ABCC9: variants seen among roughly 807,000 people sequenced by gnomAD.
The protein encoded by ABCC9 is ATP binding cassette subfamily C member 9.
Under a neutral mutation model 188.3 loss-of-function variants are expected in ABCC9, and 95 were observed. That is an observed-to-expected ratio of 0.50 (90% CI 0.43 to 0.60). The LOEUF is 0.60. Ranked by LOEUF, ABCC9 falls within the 20% of genes least tolerant of loss-of-function variation. The pLI is 0.00. For synonymous variants in ABCC9, 659 were observed against 652.7 expected (o/e 1.01, Z -0.15); for missense variants, 1,102 against 1,876.3 (o/e 0.59, Z 7.62).
chr12:21,927,013 C>T (rs544860484), intron 4 of ABCC9, among the ~76,000 whole-genome samples: 1 of 152,196 alleles, frequency 6.6e-6, no homozygotes, highest in South Asian at 2.1e-4. Flanking sequence ...GATAGGAGAA[C>T]ACTGAGAAAG....
intron 22 of ABCC9, among the ~76,000 whole-genome samples, chr12:21,854,254 T>C (rs1213892262): frequency 1.3e-5 from 2 of 152,260 alleles, no homozygotes; most frequent in Non-Finnish European, 2.9e-5. Flanking sequence ...GATTGTCATA[T>C]GATTAGCTCA....
rs1176689119 is a variant in ABCC9, at chr12:21,812,245, TAGGG to T, written c.4103-92_4103-89del. On this transcript the variant is annotated intron_variant, in intron 35 of 39. Transcript: ENST00000261200. ...TACAAATTGAAAGTTATTTCTTAGT[TAGGG>T]GTTGAAATTCAGGAGACCCACTTTT... 3 of 1,053,170 alleles carry T rather than the reference TAGGG, an allele frequency of 2.8e-6. No individual in the cohort carries two copies. The African/African-American group carries it at 4.7e-5, about 17-fold the overall frequency. 65.2% of individuals were successfully genotyped at this position (1,053,170 alleles called of 1,614,324 possible).
chr12:21,827,684 T>C (rs1283809), intron 31 of ABCC9, among the ~76,000 whole-genome samples: 25,397 of 152,158 alleles, frequency 0.17, 2,224 homozygotes, highest in Middle Eastern at 0.3. Flanking sequence ...TTCACTTGCC[T>C]TTATTTATCT....
At chr12:21,853,831 A>C (rs1472680362) in intron 22 of ABCC9, among the ~76,000 whole-genome samples, 1 of 152,206 alleles carries the variant, frequency 6.6e-6, no homozygotes, top group Non-Finnish European at 1.5e-5. Context: ...ATGGCAGGGA[A>C]TGAAAGAAAC....
At chr12:21,811,653 G>A (rs995911803) in intron 36 of ABCC9, among the ~76,000 whole-genome samples, 1 of 150,104 alleles carries the variant, frequency 6.7e-6, no homozygotes, top group Non-Finnish European at 1.5e-5. Flanking sequence ...TAGCAATTTT[G>A]GCTGAAGTAA....
chr12:21,887,600 C>T (rs370329133), intron 15 of ABCC9, among the ~76,000 whole-genome samples: 2 of 152,098 alleles, frequency 1.3e-5, no homozygotes, highest in East Asian at 1.9e-4. Flanking sequence ...GAATTAAACA[C>T]GTCTTGTCTC....
chr12:21,913,217 C>A, intron 7 of ABCC9, 151 bp from the exon 8 acceptor site: 1 of 667,782 alleles, frequency 1.5e-6, no homozygotes. Context: ...TTCAGCATAG[C>A]ATGCATAATT....
chr12:21,836,845 TA>T (rs1349963611), intron 30 of ABCC9, among the ~76,000 whole-genome samples: 1 of 151,500 alleles, frequency 6.6e-6, no homozygotes, highest in Non-Finnish European at 1.5e-5. Flanking sequence ...TGTAAACAAA[TA>T]AAAAAGATGA....
intron 12 of ABCC9, among the ~76,000 whole-genome samples, chr12:21,901,968 C>T (rs565652782): frequency 6.6e-6 from 1 of 152,326 alleles, no homozygotes; most frequent in East Asian, 1.9e-4. Context: ...TAGACATCTA[C>T]AGAACTCTCC....
chr12:21,903,496 G>C (rs1186696140), intron 12 of ABCC9, among the ~76,000 whole-genome samples: 1 of 152,166 alleles, frequency 6.6e-6, no homozygotes, highest in Non-Finnish European at 1.5e-5. Flanking sequence ...AATTATCCCT[G>C]TTTGCAGATG....
intron 22 of ABCC9, among the ~76,000 whole-genome samples, chr12:21,856,007 A>G (rs2161063): frequency 0.32 from 48,252 of 152,054 alleles, 9,113 homozygotes; most frequent in South Asian, 0.48. Flanking sequence ...AACAGCAGTA[A>G]TAACAATAAT....
rs1450072548 is a variant in ABCC9, at chr12:21,940,728, G to A, written c.-39C>T. The A allele has an allele frequency of 2.6e-5, 4 of 152,090 alleles. No homozygotes were observed. The highest frequency in any genetic ancestry group is 4.4e-5 in the Non-Finnish European group (3 of 68,028). 9.4% of individuals were successfully genotyped at this position (152,090 alleles called of 1,614,324 possible). On this transcript the variant is annotated 5_prime_UTR_variant, in exon 2 of 40. Coordinates refer to ENST00000261200, the MANE Select transcript of ABCC9 (RefSeq NM_020297.4). ...TAAATACCTTGGGCAATAGCTTCAC[G>A]CTGCTTCAAACCCCTGCCGGTGCAC...
At chr12:21,809,755 A>T (rs1257119276) in intron 37 of ABCC9, 97 bp downstream of exon 37, 9 of 747,738 alleles carry the variant, frequency 1.2e-5, no homozygotes, top group South Asian at 3.1e-5. Flanking sequence ...AAGGGGATTT[A>T]ACACTAAAGT....
At position 21,926,012 on chromosome 12, in the gene ABCC9, G is replaced by A. The variant is rs769123978; in HGVS notation, c.336C>T (p.Phe112=). ...ACACTATCGATGTTGTAGTGGCAAC[G>A]AATCCCATCACGGCTGGCATAAAGA... ...LHLFMPAVMG[F]VATTTSIVYY... Residue 112 remains phenylalanine, a synonymous_variant, in exon 5 of 40, where the codon TTC becomes TTT. Transcript: ENST00000261200. The A allele has an allele frequency of 1.1e-5, 18 of 1,614,058 alleles. No individual in the cohort carries two copies. Among genetic ancestry groups the A allele is most frequent in the South Asian group, 1.1e-5 (1 of 91,076 alleles).
At chr12:21,806,858 CA>C (rs1450982949) in intron 38 of ABCC9, among the ~76,000 whole-genome samples, 1 of 152,130 alleles carries the variant, frequency 6.6e-6, no homozygotes, top group East Asian at 1.9e-4. Context: ...TTTCAAAAGG[CA>C]AAATTTATGG....
chr12:21,901,120 A>G (rs893213475), intron 12 of ABCC9, among the ~76,000 whole-genome samples: 7 of 152,258 alleles, frequency 4.6e-5, no homozygotes, highest in African/African-American at 1.7e-4. Context: ...CAGAAACTCT[A>G]CAAGCCAGAA....
chr12:21,872,537 ACAT>A, intron 18 of ABCC9, 85 bp downstream of exon 18: 1 of 1,056,856 alleles, frequency 9.5e-7, no homozygotes, highest in Non-Finnish European at 1.5e-6. Flanking sequence ...CAGAGTCAGA[ACAT>A]GTAAATGTAT....
In ABCC9 at chr12:21,809,960, AG is replaced by A; in HGVS notation, c.4212-6del. The A allele has an allele frequency of 6.4e-7, 1 of 1,574,046 alleles. No homozygotes were observed. The highest frequency in any genetic ancestry group is 1.3e-5 in the African/African-American group (1 of 74,232). ...CACTCTGGATCTAAATTAAATCTGT[AG>A]GGAAAAATTAGTTAATTAGTCAATA... is the stretch of plus-strand genomic sequence containing the variant. On this transcript the variant is annotated splice_region_variant and splice_polypyrimidine_tract_variant and intron_variant, in intron 36 of 39. Transcript: ENST00000261200.
At chr12:21,817,057 G>A in intron 33 of ABCC9, 130 bp downstream of exon 33, 1 of 1,037,060 alleles carries the variant, frequency 9.6e-7, no homozygotes, top group Non-Finnish European at 1.4e-6. Context: ...ATCAAGCAAA[G>A]CCAAGATATG....
Sources: allele counts gnomAD v4.1 joint callset (sites outside exome capture counted in the v4.1 genomes callset), GRCh38; gene constraint gnomAD v4.1.1; transcripts MANE v1.5; gene names NCBI Gene and HGNC (gene_info 2026-07-23, HGNC 2026-07-21).